The following CDC40 variants were observed in gnomAD, a reference collection of about 807,000 sequenced individuals.
CDC40 encodes the protein pre-mRNA-processing factor 17.
A neutral mutation model predicts 80.6 loss-of-function variants in CDC40; 27 were observed. The observed-to-expected ratio is 0.33, with a 90% CI of 0.25 to 0.46. The LOEUF is 0.46. CDC40 is among the 20% of genes least tolerant of loss of function. The pLI is 1.00. For missense variants in CDC40, 486 were observed against 694.1 expected (o/e 0.70, Z 3.37); for synonymous variants, 221 against 232.6 (o/e 0.95, Z 0.45).
In CDC40 at chr6:110,229,991, A is replaced by C; in HGVS notation, c.1600A>C (p.Ile534Leu). The stretch of plus-strand genomic sequence containing the variant: ...AGGAGATGGAAATGGAAAATTAAAC[A>C]TTTGGGACTGGAAGACCACAAAACT... ...ISGDGNGKLN[I>L]WDWKTTKLYS... is the part of the protein sequence containing the mutation. The change falls in exon 15 of 15, where the codon ATT (isoleucine) becomes CTT (leucine). Residue 534 changes from isoleucine (I) to leucine (L), a missense_variant. Physicochemically the swap from Ile to Leu is conservative, Grantham distance 5 (BLOSUM62 2). Around this residue, in one of 3 missense-constraint regions of CDC40, gnomAD observed 88 missense variants for 138.7 expected, o/e 0.63. Transcript: ENST00000307731. 1 of 1,611,728 alleles carries C rather than the reference A, an allele frequency of 6.2e-7. No homozygotes were observed. The highest frequency in any genetic ancestry group is 8.5e-7 in the Non-Finnish European group (1 of 1,178,186).
intron 2 of CDC40, among the ~76,000 whole-genome samples, chr6:110,199,314 G>A (rs1020569852): frequency 6.6e-6 from 1 of 151,844 alleles, no homozygotes; most frequent in African/African-American, 2.4e-5. Context: ...AGCTAGTGGC[G>A]GGGCGCGGTG....
chr6:110,219,936 A>G (rs1003692365), intron 12 of CDC40, 67 bp downstream of exon 12: 27 of 1,500,258 alleles, frequency 1.8e-5, no homozygotes, highest in Admixed American at 1.6e-4. Context: ...ATAGACAAAG[A>G]TGAAGCCTGA....
At chr6:110,185,469 C>T (rs1350820329) in intron 1 of CDC40, among the ~76,000 whole-genome samples, 3 of 151,830 alleles carry the variant, frequency 2.0e-5, no homozygotes, top group African/African-American at 4.8e-5. Context: ...GTCTCGATCT[C>T]CTGACCTCGT....
intron 7 of CDC40, 55 bp from the exon 8 acceptor site, chr6:110,213,031 A>C (rs2114665157): frequency 8.4e-7 from 1 of 1,183,942 alleles, no homozygotes; most frequent in Non-Finnish European, 1.3e-6. Flanking sequence ...TTGATGCTTC[A>C]TTTGAGCTGA....
intron 2 of CDC40, among the ~76,000 whole-genome samples, chr6:110,195,135 T>C (rs1777402216): frequency 6.6e-6 from 1 of 152,222 alleles, no homozygotes; most frequent in Admixed American, 6.5e-5. Flanking sequence ...AATTTTGAAC[T>C]TTTGTCTTCT....
In CDC40 at chr6:110,215,850, G is replaced by A. The variant is rs117240690; in HGVS notation, c.988+519G>A. Among the ~76,000 whole-genome samples, 543 of 152,244 alleles carry A rather than the reference G, an allele frequency of 3.6e-3. 8 individuals carry two copies. The highest frequency in any genetic ancestry group is 0.027 in the Admixed American group (410 of 15,304). ...TAGGTCTGGTTTAGAGATGATGAGC[G>A]CCTGAACCAAAGCAGCAGAGAGAGA... On this transcript the variant is annotated intron_variant, in intron 9 of 14. Coordinates refer to ENST00000307731, the MANE Select transcript of CDC40 (RefSeq NM_015891.3).
At chr6:110,228,241 C>T (rs1360235301) in intron 13 of CDC40, among the ~76,000 whole-genome samples, 3 of 152,170 alleles carry the variant, frequency 2.0e-5, no homozygotes, top group South Asian at 2.1e-4. Context: ...GTCATACGTG[C>T]GGTCCATCAT....
chr6:110,208,832 A>C (rs1777596076), intron 4 of CDC40, among the ~76,000 whole-genome samples: 1 of 152,180 alleles, frequency 6.6e-6, no homozygotes, highest in East Asian at 1.9e-4. Flanking sequence ...AGTATACAGT[A>C]TTAGAATTTG....
chr6:110,215,969 A>G (rs958255455), intron 9 of CDC40, among the ~76,000 whole-genome samples: 19 of 152,214 alleles, frequency 1.2e-4, no homozygotes, highest in African/African-American at 4.6e-4. Flanking sequence ...AGTGACTCCC[A>G]TGAGGCTGGA....
chr6:110,210,089 G>T (rs1186029856), intron 5 of CDC40, among the ~76,000 whole-genome samples: 1 of 151,974 alleles, frequency 6.6e-6, no homozygotes, highest in East Asian at 1.9e-4. Flanking sequence ...TAGATTTTCT[G>T]ATTGCCTTGT....
intron 9 of CDC40, 75 bp from the exon 10 acceptor site, chr6:110,217,627 A>G (rs549872463): frequency 2.6e-6 from 2 of 755,506 alleles, no homozygotes; most frequent in East Asian, 5.1e-5. Flanking sequence ...GTTTGTCTTT[A>G]TGGTGTTAAT....
At chr6:110,188,034 T>G (rs1777297662) in intron 1 of CDC40, among the ~76,000 whole-genome samples, 1 of 152,218 alleles carries the variant, frequency 6.6e-6, no homozygotes, top group African/African-American at 2.4e-5. Flanking sequence ...TTCTATAATT[T>G]TAGCAGGAGT....
intron 11 of CDC40, 74 bp downstream of exon 11, chr6:110,219,553 C>T (rs1257144842): frequency 3.7e-6 from 4 of 1,084,876 alleles, no homozygotes; most frequent in Non-Finnish European, 5.6e-6. Flanking sequence ...AGTTAATAAG[C>T]TAATATTACT....
chr6:110,218,276 A>G (rs1305080670), intron 10 of CDC40, among the ~76,000 whole-genome samples: 1 of 152,252 alleles, frequency 6.6e-6, no homozygotes, highest in Non-Finnish European at 1.5e-5. Flanking sequence ...TGTTGTGGCT[A>G]GTATAATTTT....
At chr6:110,216,203 A>G (rs1340862822) in intron 9 of CDC40, among the ~76,000 whole-genome samples, 6 of 152,216 alleles carry the variant, frequency 3.9e-5, no homozygotes, top group Admixed American at 6.5e-5. Flanking sequence ...CAAAGGGAGG[A>G]CAGCTTTGTG....
chr6:110,198,864 T>G (rs1400868680), intron 2 of CDC40: 1 of 152,210 alleles, frequency 6.6e-6, no homozygotes, highest in Non-Finnish European at 1.5e-5. Flanking sequence ...ATCAAATTTG[T>G]GTGTTTTCCA....
chr6:110,197,485 A>G (rs1777433275), intron 2 of CDC40, among the ~76,000 whole-genome samples: 2 of 152,288 alleles, frequency 1.3e-5, no homozygotes, highest in African/African-American at 2.4e-5. Flanking sequence ...ATACATTGTT[A>G]TTAACTGTAG....
intron 3 of CDC40, among the ~76,000 whole-genome samples, chr6:110,203,068 T>C (rs1477410874): frequency 1.3e-5 from 2 of 152,222 alleles, no homozygotes; most frequent in Non-Finnish European, 2.9e-5. Context: ...TCTTATTTAT[T>C]AAGTTCAAGT....
At chr6:110,223,634 C>T (rs1388044486) in intron 12 of CDC40, among the ~76,000 whole-genome samples, 1 of 152,152 alleles carries the variant, frequency 6.6e-6, no homozygotes, top group Non-Finnish European at 1.5e-5. Flanking sequence ...AACACTGGGG[C>T]CTTCAGACAA....
Sources: gnomAD v4.1 joint callset for allele counts (sites outside exome capture counted in the v4.1 genomes callset) on GRCh38, gnomAD v4.1.1 for gene constraint, gnomAD v4.1.1 regional missense constraint, MANE v1.5 for transcripts, NCBI Gene and HGNC (gene_info 2026-07-23, HGNC 2026-07-21) for gene names.